ANKRD30BL: variants seen among roughly 807,000 people sequenced by gnomAD.
ANKRD30BL encodes the protein ankyrin repeat domain 30B like.
ANKRD30BL carries 20 observed loss-of-function variants against 18.4 expected under a neutral mutation model. The observed-to-expected ratio is 1.09, with a 90% CI of 0.77 to 1.58. The LOEUF (loss-of-function observed/expected upper bound fraction) is 1.58. Among genes scored for constraint, ANKRD30BL ranks in the 40% most tolerant of loss-of-function variants. The pLI is 0.00. For synonymous variants in ANKRD30BL, 72 were observed against 100.9 expected (o/e 0.71, Z 1.72); for missense variants, 224 against 268.6 (o/e 0.83, Z 1.16).
Position 132,153,599 on chromosome 2 carries a change from C to T in ANKRD30BL, c.614+1063G>A, listed in dbSNP as rs192724976. 31 of 762,384 alleles carry T rather than the reference C, an allele frequency of 4.1e-5. 1 individual carries two copies. The Middle Eastern group carries it at 1.1e-3, about 27-fold the overall frequency. The allele number at this position is 762,384 out of a possible 1,614,324, so 47.2% of individuals were successfully genotyped here. On this transcript the variant is annotated intron_variant, in intron 4 of 5. Coordinates refer to ENST00000409867, the MANE Select transcript of ANKRD30BL (RefSeq NM_001358416.1). ...AACAGCATAACGTTCTGCAATCATTCCACATGTAGCTTCAGCACAGATGTC... is the reference window on the plus strand; with the variant it reads ...AACAGCATAACGTTCTGCAATCATTTCACATGTAGCTTCAGCACAGATGTC...
intron 1 of ANKRD30BL, among the ~76,000 whole-genome samples, chr2:132,236,026 A>G (rs1680141999): frequency 6.6e-6 from 1 of 152,150 alleles, no homozygotes; most frequent in Admixed American, 6.6e-5. Flanking sequence ...GCCCTCAGAA[A>G]TAATGCCACA....
chr2:132,205,701 C>A (rs1679200127), intron 1 of ANKRD30BL, among the ~76,000 whole-genome samples: 1 of 150,614 alleles, frequency 6.6e-6, no homozygotes, highest in South Asian at 2.1e-4. Context: ...TTAAGGAAGT[C>A]AAGGTAGAAG....
chr2:132,187,347 G>C (rs201396294), intron 1 of ANKRD30BL, among the ~76,000 whole-genome samples: 1 of 151,670 alleles, frequency 6.6e-6, no homozygotes, highest in African/African-American at 2.4e-5. Context: ...GACATGCGCC[G>C]ACATGCCCAG....
intron 5 of ANKRD30BL, 144 bp downstream of exon 5, chr2:132,150,768 G>C (rs1242985805): frequency 3.1e-6 from 1 of 317,722 alleles, no homozygotes; most frequent in Admixed American, 5.1e-5. Flanking sequence ...TTAAATCAAA[G>C]CTTTGTATAT....
chr2:132,208,835 T>C (rs574965459), intron 1 of ANKRD30BL, among the ~76,000 whole-genome samples: 1,560 of 151,706 alleles, frequency 0.01, 25 homozygotes, highest in African/African-American at 0.035. Flanking sequence ...AAAGGAAATA[T>C]CTTCACATAA....
chr2:132,194,254 G>C (rs1056287218), intron 1 of ANKRD30BL, among the ~76,000 whole-genome samples: 13 of 152,150 alleles, frequency 8.5e-5, no homozygotes, highest in African/African-American at 1.2e-4. Flanking sequence ...TGGGAATTTT[G>C]GAAGAGCTGG....
At chr2:132,156,850 C>T in intron 3 of ANKRD30BL, 123 bp downstream of exon 3, 1 of 447,660 alleles carries the variant, frequency 2.2e-6, no homozygotes. Context: ...ATTAAGTTTT[C>T]TCAAACTATT....
chr2:132,213,672 T>C (rs1202529362), intron 1 of ANKRD30BL, among the ~76,000 whole-genome samples: 1 of 152,244 alleles, frequency 6.6e-6, no homozygotes, highest in African/African-American at 2.4e-5. Flanking sequence ...ACAGAAGCAT[T>C]CTGTGAAACT....
At chr2:132,229,616 A>C (rs80045850) in intron 1 of ANKRD30BL, among the ~76,000 whole-genome samples, 1 of 152,072 alleles carries the variant, frequency 6.6e-6, no homozygotes, top group Non-Finnish European at 1.5e-5. Flanking sequence ...GGAAACGGGA[A>C]TATCTTCACA....
At chr2:132,194,298 C>T (rs1218896286) in intron 1 of ANKRD30BL, among the ~76,000 whole-genome samples, 1 of 152,100 alleles carries the variant, frequency 6.6e-6, no homozygotes, top group Non-Finnish European at 1.5e-5. Context: ...TATGTGTGTG[C>T]TGTGGTGGGG....
At chr2:132,241,675 G>T (rs60574470) in intron 1 of ANKRD30BL, among the ~76,000 whole-genome samples, 6 of 151,188 alleles carry the variant, frequency 4.0e-5, no homozygotes, top group African/African-American at 1.2e-4. Flanking sequence ...TGTTGGAAAC[G>T]GGAATAGCTT....
intron 1 of ANKRD30BL, among the ~76,000 whole-genome samples, chr2:132,199,084 G>T (rs954698331): frequency 1.1e-4 from 16 of 152,170 alleles, no homozygotes; most frequent in African/African-American, 3.6e-4. Context: ...GGGTGCAGTG[G>T]CTCACGCCTG....
intron 1 of ANKRD30BL, among the ~76,000 whole-genome samples, chr2:132,241,062 A>G (rs1405948367): frequency 1.3e-5 from 2 of 151,592 alleles, no homozygotes; most frequent in African/African-American, 4.8e-5. Flanking sequence ...CTTTCATTCA[A>G]CTCACGGAGC....
intron 1 of ANKRD30BL, among the ~76,000 whole-genome samples, chr2:132,189,435 A>C (rs1174201080): frequency 1.3e-5 from 2 of 152,068 alleles, no homozygotes; most frequent in African/African-American, 4.8e-5. Context: ...AAACAGGAAA[A>C]CATATTGCAG....
intron 1 of ANKRD30BL, among the ~76,000 whole-genome samples, chr2:132,220,271 C>G: frequency 6.6e-6 from 1 of 150,624 alleles, no homozygotes; most frequent in East Asian, 2.0e-4. Flanking sequence ...GTTTGAAACA[C>G]TGTTTTTGGC....
chr2:132,199,384 A>C (rs926289204), intron 1 of ANKRD30BL, among the ~76,000 whole-genome samples: 3 of 152,120 alleles, frequency 2.0e-5, no homozygotes, highest in Admixed American at 6.6e-5. Context: ...TAAATAAATA[A>C]TAACTAACTT....
intron 1 of ANKRD30BL, among the ~76,000 whole-genome samples, chr2:132,181,913 A>G (rs1161580470): frequency 6.6e-6 from 1 of 152,052 alleles, no homozygotes; most frequent in Non-Finnish European, 1.5e-5. Context: ...GGAGTTTGAG[A>G]CCAGCCTGAC....
intron 1 of ANKRD30BL, among the ~76,000 whole-genome samples, chr2:132,220,579 C>T (rs1046797633): frequency 2.6e-4 from 40 of 152,146 alleles, no homozygotes; most frequent in African/African-American, 8.9e-4. Flanking sequence ...TTGGCCAGGC[C>T]GGTCTCCAGC....
chr2:132,200,659 G>T (rs1020430246), intron 1 of ANKRD30BL, among the ~76,000 whole-genome samples: 5 of 152,126 alleles, frequency 3.3e-5, no homozygotes, highest in Non-Finnish European at 7.3e-5. Context: ...ACAAACAAAT[G>T]GAAGAACATT....
Sources: gnomAD v4.1 joint callset for allele counts (sites outside exome capture counted in the v4.1 genomes callset) on GRCh38, gnomAD v4.1.1 for gene constraint, MANE v1.5 for transcripts, NCBI Gene and HGNC (gene_info 2026-07-23, HGNC 2026-07-21) for gene names.